The following ATM variants were observed in gnomAD, a reference collection of about 807,000 sequenced individuals.
ATM encodes serine-protein kinase ATM.
ATM carries 308 observed loss-of-function variants against 387.0 expected under a neutral mutation model. That is an observed-to-expected ratio of 0.80 (90% CI 0.73 to 0.87). The LOEUF is 0.87. ATM is among the 40% of genes least tolerant of loss of function. ATM has a pLI of 0.00. For synonymous variants in ATM, 1,156 were observed against 1,187.3 expected (o/e 0.97, Z 0.54); for missense variants, 3,312 against 3,560.9 (o/e 0.93, Z 1.78).
intron 37 of ATM, among the ~76,000 whole-genome samples, chr11:108,307,158 T>C (rs1461103337): frequency 1.3e-5 from 2 of 151,892 alleles, no homozygotes; most frequent in Non-Finnish European, 2.9e-5. Context: ...TTTTTTTCTT[T>C]TTTTCTCTTG....
At chr11:108,304,646 T>C in intron 36 of ATM, 29 bp from the exon 37 acceptor site, 1 of 1,605,524 alleles carries the variant, frequency 6.2e-7, no homozygotes, top group Non-Finnish European at 8.5e-7. Context: ...TTACTCAAAC[T>C]ATTGGGTGGA....
At chr11:108,263,291 G>GA (rs1283833397) in intron 16 of ATM, among the ~76,000 whole-genome samples, 1 of 136,484 alleles carries the variant, frequency 7.3e-6, no homozygotes, top group African/African-American at 2.8e-5. Flanking sequence ...CTATCTCTCA[G>GA]ACCACAGTGC....
chr11:108,327,799 T>TATTCATGCTAA, intron 48 of ATM, 41 bp downstream of exon 48: 8 of 1,380,090 alleles, frequency 5.8e-6, no homozygotes, highest in Non-Finnish European at 8.2e-6. Flanking sequence ...TTACTTAGCA[T>TATTCATGCTAA]GAATATGCTT....
Position 108,317,511 on chromosome 11 carries a change from A to G in ATM, c.6337A>G (p.Thr2113Ala), listed in dbSNP as rs1555114835. 1.2e-6 allele frequency: 2 copies of G among 1,607,724 alleles called. No homozygotes were observed. Among genetic ancestry groups the G allele is most frequent in the Non-Finnish European group, 1.7e-6 (2 of 1,177,720 alleles). Residue 2113 changes from threonine to alanine, a missense_variant, in exon 43 of 63, where the codon ACT becomes GCT. By Grantham distance (58) the Thr-to-Ala change is moderately conservative. Coordinates refer to ENST00000675843, the MANE Select transcript of ATM (RefSeq NM_000051.4). ...AWRNMQWDHCTSVSKEVEGTS... is the reference protein window; with the variant it reads ...AWRNMQWDHCASVSKEVEGTS... ...GAGGAATATGCAGTGGGACCATTGC[A>G]CTTCCGTCAGGTAAGAAATTTGACT...
chr11:108,258,926 T>A (rs750875958), intron 15 of ATM, 60 bp from the exon 16 acceptor site: 12 of 1,374,010 alleles, frequency 8.7e-6, no homozygotes, highest in African/African-American at 2.8e-5. Context: ...AAACACTGTC[T>A]GCCAAGAATA....
At chr11:108,273,921 T>G (rs192826399) in intron 22 of ATM, among the ~76,000 whole-genome samples, 2 of 152,312 alleles carry the variant, frequency 1.3e-5, no homozygotes, top group African/African-American at 4.8e-5. Context: ...CTTTTTCTAT[T>G]GTTTGGAATA....
At position 108,365,826 on chromosome 11, in the gene ATM, A is replaced by ACACG; in HGVS notation, c.*318_*319insCACG. On this transcript the variant is annotated 3_prime_UTR_variant, in exon 63 of 63. Transcript: ENST00000675843. ...CAGGAGTTCGAGACCAGCCTGGCCA[A>ACACG]GAGACCAGCCTGGCCAGTATGGTGA... The ACACG allele has an allele frequency of 5.6e-6, 2 of 359,980 alleles. No individual in the cohort carries two copies. Among genetic ancestry groups the ACACG allele is most frequent in the South Asian group, 2.8e-5 (1 of 35,700 alleles). 22.3% of individuals were successfully genotyped at this position (359,980 alleles called of 1,614,324 possible).
At chr11:108,356,728 G>C (rs1046565302) in intron 61 of ATM, among the ~76,000 whole-genome samples, 1 of 152,046 alleles carries the variant, frequency 6.6e-6, no homozygotes, top group Non-Finnish European at 1.5e-5. Context: ...TTCTTTTAGG[G>C]CCTCAGAAAT....
intron 57 of ATM, 121 bp downstream of exon 57, chr11:108,343,492 TACTA>T: frequency 8.2e-7 from 1 of 1,226,506 alleles, no homozygotes; most frequent in Non-Finnish European, 1.1e-6. Flanking sequence ...TTGTCAAAGA[TACTA>T]AGTAAAAGAA....
At chr11:108,259,754 T>C (rs1182036019) in intron 16 of ATM, among the ~76,000 whole-genome samples, 2 of 152,220 alleles carry the variant, frequency 1.3e-5, no homozygotes, top group Non-Finnish European at 2.9e-5. Flanking sequence ...ATTCTTATTG[T>C]AGTATTTATT....
rs2135571581 is a variant in ATM, at chr11:108,272,788, T to C, written c.3220T>C (p.Phe1074Leu). 6.2e-7 allele frequency: 1 copy of C among 1,614,116 alleles called. No homozygotes were observed. The highest frequency in any genetic ancestry group is 8.5e-7 in the Non-Finnish European group (1 of 1,180,004). ...MGKDFPVNEV[F>L]TQFLADNHHQ... ...AAAAGACTTTCCTGTAAATGAAGTATTTACACAATTTCTTGCTGACAATCA... is the reference window on the plus strand; with the variant it reads ...AAAAGACTTTCCTGTAAATGAAGTACTTACACAATTTCTTGCTGACAATCA... The change falls in exon 22 of 63, where the codon TTT (phenylalanine) becomes CTT (leucine). Residue 1074 changes from phenylalanine (F) to leucine (L), a missense_variant. Phe to Leu is a conservative substitution (Grantham distance 22). Coordinates refer to ENST00000675843, the MANE Select transcript of ATM (RefSeq NM_000051.4).
intron 34 of ATM, among the ~76,000 whole-genome samples, chr11:108,300,631 G>A (rs1404734747): frequency 5.9e-5 from 9 of 151,980 alleles, no homozygotes; most frequent in Non-Finnish European, 8.8e-5. Context: ...CCATGTTTCC[G>A]TTATTGATTT....
At chr11:108,305,224 GTA>G (rs1296466991) in intron 37 of ATM, among the ~76,000 whole-genome samples, 3 of 152,184 alleles carry the variant, frequency 2.0e-5, no homozygotes, top group African/African-American at 7.2e-5. Flanking sequence ...GATATTTTAG[GTA>G]CTGTGGTGCA....
chr11:108,267,227 T>C lies in ATM; in HGVS notation c.2523T>C (p.Asp841=), dbSNP rs758234872. Residue 841 remains aspartate (D), a synonymous_variant, in exon 17 of 63, where the codon GAT becomes GAC. Coordinates refer to ENST00000675843, the MANE Select transcript of ATM (RefSeq NM_000051.4). ...GAGAAGTAGAATCAATGGAAGATGA[T>C]ACTAATGGAAATCTAATGGAGGTGG... ...DRGEVESMED[D]TNGNLMEVED... 3.1e-6 allele frequency: 5 copies of C among 1,614,172 alleles called. No homozygotes were observed. The highest frequency in any genetic ancestry group is 4.2e-6 in the Non-Finnish European group (5 of 1,179,994).
intron 16 of ATM, among the ~76,000 whole-genome samples, chr11:108,265,452 C>T (rs1042058352): frequency 2.8e-4 from 43 of 152,158 alleles, no homozygotes; most frequent in South Asian, 1.0e-3. Flanking sequence ...GAAACTGGAT[C>T]CCTTCCTTAC....
intron 60 of ATM, among the ~76,000 whole-genome samples, chr11:108,354,218 C>T (rs184593649): frequency 7.2e-4 from 109 of 152,228 alleles, no homozygotes; most frequent in Middle Eastern, 3.4e-3. Flanking sequence ...CCTCTTCCTT[C>T]CACCCACCTG....
intron 11 of ATM, 87 bp from the exon 12 acceptor site, chr11:108,252,730 T>G (rs1026280607): frequency 2.1e-6 from 2 of 933,662 alleles, no homozygotes; most frequent in African/African-American, 3.3e-5. Flanking sequence ...AAGTCAAGAT[T>G]TATAGCTAAA....
chr11:108,244,863 C>T lies in ATM; in HGVS notation c.738C>T (p.Asn246=), dbSNP rs1335108218. Residue 246 remains asparagine, a synonymous_variant, in exon 7 of 63, where the codon AAC becomes AAT. Transcript: ENST00000675843. ...TCTTCCTCAAGACTTTGGCTGTCAA[C>T]TTTCGAATTCGAGTGTGTGAATTAG... The part of the protein sequence containing the change: ...LTIFLKTLAV[N]FRIRVCELGD... The T allele has an allele frequency of 1.2e-6, 2 of 1,613,876 alleles. No homozygotes were observed. The highest frequency in any genetic ancestry group is 1.7e-6 in the Non-Finnish European group (2 of 1,179,928).
chr11:108,250,952 G>A lies in ATM; in HGVS notation c.1487G>A (p.Ser496Asn), dbSNP rs778890679. ...TGGTGTATTACCTTTCGTGGTATAA[G>A]TTCTGAGCAAATACAAGCTGAAAAC... ...KIWCITFRGI[S>N]SEQIQAENFG... Residue 496 changes from serine to asparagine, a missense_variant, in exon 10 of 63, where the codon AGT (serine) becomes AAT (asparagine). Ser to Asn is a conservative substitution (Grantham distance 46). Coordinates refer to ENST00000675843, the MANE Select transcript of ATM (RefSeq NM_000051.4). 23 of 1,614,040 alleles carry A rather than the reference G, an allele frequency of 1.4e-5. No individual in the cohort carries two copies. The highest frequency in any genetic ancestry group is 1.9e-5 in the Non-Finnish European group (23 of 1,180,036).
Sources: allele counts gnomAD v4.1 joint callset (sites outside exome capture counted in the v4.1 genomes callset), GRCh38; gene constraint gnomAD v4.1.1; transcripts MANE v1.5; gene names NCBI Gene and HGNC (gene_info 2026-07-23, HGNC 2026-07-21).